Variants in SHISA5 observed in about 807,000 individuals in gnomAD.
SHISA5 encodes shisa family member 5.
SHISA5 carries 21 observed loss-of-function variants against 27.5 expected under a neutral mutation model. The ratio of observed to expected loss-of-function variants is 0.76; its 90% CI spans 0.54 to 1.10. SHISA5 has a LOEUF of 1.10. Among genes scored for constraint, SHISA5 ranks in the 50% least tolerant of loss-of-function variants. SHISA5 has a pLI of 0.00. For synonymous variants in SHISA5, 137 were observed against 142.2 expected (o/e 0.96, Z 0.26); for missense variants, 314 against 336.3 (o/e 0.93, Z 0.52).
chr3:48,486,414 T>A (rs13063000), intron 2 of SHISA5, among the ~76,000 whole-genome samples: 5 of 94,200 alleles, frequency 5.3e-5, no homozygotes, highest in East Asian at 5.1e-4. Context: ...ATAATATATA[T>A]TATATATTAT....
Position 48,476,798 on chromosome 3 carries a change from G to A in SHISA5, c.314+2379C>T, listed in dbSNP as rs956606304. 8 of 229,716 alleles carry A rather than the reference G, an allele frequency of 3.5e-5. No individual in the cohort carries two copies. In the East Asian group the frequency reaches 4.2e-4, roughly 12 times the overall value. 14.2% of individuals were successfully genotyped at this position (229,716 alleles called of 1,614,324 possible). ...ACAAGAGATGACATGAGGCGCGGGA[G>A]GGGGAGCATCACTCCAGTCACCTGC... is the stretch of plus-strand genomic sequence containing the variant. On this transcript the variant is annotated intron_variant, in intron 3 of 5. Transcript: ENST00000296444.
chr3:48,471,545 ACT>A (rs1352423568), intron 3 of SHISA5, among the ~76,000 whole-genome samples: 4 of 108,158 alleles, frequency 3.7e-5, no homozygotes, highest in East Asian at 2.8e-4. Context: ...ACAGAGTGAG[ACT>A]CTGTCTCAAA....
In SHISA5 at chr3:48,485,595, TATA is replaced by T. The variant is rs947038604; in HGVS notation, c.234-6341_234-6339del. ...ATATTCTATATTTAATATAAGATAA[TATA>T]AGAATATGTATTTATATATAATATA... On this transcript the variant is annotated intron_variant, in intron 2 of 5. Transcript: ENST00000296444. 4.8e-4 allele frequency among the ~76,000 whole-genome samples: 69 copies of T among 143,924 alleles called. 1 individual carries two copies. In the South Asian group the frequency reaches 4.9e-3, roughly 10 times the overall value. 94.4% of individuals were successfully genotyped at this position (143,924 alleles called of 152,430 possible). A position where few individuals can be genotyped will look rare whatever the true frequency, so the allele number is the denominator to read the frequency against.
rs943147660 is a variant in SHISA5 at position 48,492,968 on chromosome 3, G to A, written c.233+8169C>T. Among the ~76,000 whole-genome samples the A allele has an allele frequency of 6.8e-5, 10 of 147,714 alleles. No homozygotes were observed. In the South Asian group the frequency reaches 1.0e-3, roughly 15 times the overall value. On this transcript the variant is annotated intron_variant, in intron 2 of 5. Coordinates refer to ENST00000296444, the MANE Select transcript of SHISA5 (RefSeq NM_016479.6). ...GCCTCTAGGACTGTGAGAAATGTTT[G>A]TTGTTTAAGCCACACAATCTACAGT...
At position 48,501,274 on chromosome 3, in the gene SHISA5, C is replaced by A. The variant is rs182898450; in HGVS notation, c.96G>T (p.Met32Ile). Residue 32 changes from methionine (M) to isoleucine (I), a missense_variant, in exon 2 of 6, where the codon ATG becomes ATT. Met to Ile is a conservative substitution (Grantham distance 10). Transcript: ENST00000296444. ...PPPGARGEVC[M>I]ASRGLSLFPE... ...GGAAGAGGCTGAGTCCACGGGAAGC[C>A]ATACACACCTCACCACGTGCTGGAG... 6.1e-5 allele frequency: 99 copies of A among 1,614,014 alleles called. 1 individual carries two copies. The South Asian group carries it at 6.9e-4, about 11-fold the overall frequency.
At chr3:48,501,701 A>C (rs1373257333) in intron 1 of SHISA5, among the ~76,000 whole-genome samples, 3 of 151,264 alleles carry the variant, frequency 2.0e-5, no homozygotes, top group African/African-American at 7.3e-5. Flanking sequence ...ACCTGTCCAC[A>C]CTCCGCTCAC....
chr3:48,491,340 G>A (rs1327560232), intron 2 of SHISA5, among the ~76,000 whole-genome samples: 2 of 151,970 alleles, frequency 1.3e-5, no homozygotes, highest in Non-Finnish European at 2.9e-5. Context: ...GGATGGTCTC[G>A]ATCTCCTGAC....
chr3:48,497,268 T>G (rs2041582765), intron 2 of SHISA5, among the ~76,000 whole-genome samples: 1 of 147,390 alleles, frequency 6.8e-6, no homozygotes, highest in African/African-American at 2.5e-5. Flanking sequence ...ACAAGTTTTT[T>G]TTTTTTTTTT....
chr3:48,472,989 C>T (rs763565071), intron 3 of SHISA5: 100 of 1,534,792 alleles, frequency 6.5e-5, no homozygotes, highest in Non-Finnish European at 7.9e-6. Context: ...AACACACACG[C>T]AGCATGGCGC....
intron 2 of SHISA5, chr3:48,479,545 A>G: frequency 4.8e-6 from 2 of 414,982 alleles, no homozygotes; most frequent in Non-Finnish European, 4.3e-6. Context: ...TCTGACCACA[A>G]CAGGATGAAG....
intron 2 of SHISA5, among the ~76,000 whole-genome samples, chr3:48,496,365 AG>A (rs1485958092): frequency 2.6e-5 from 4 of 151,942 alleles, no homozygotes; most frequent in African/African-American, 9.7e-5. Flanking sequence ...AGGCCGAGGC[AG>A]GTGGTTCACA....
At chr3:48,503,884 C>T in intron 1 of SHISA5, 135 bp downstream of exon 1, 2 of 1,310,326 alleles carry the variant, frequency 1.5e-6, no homozygotes, top group South Asian at 4.0e-5. Flanking sequence ...TGGGGGTTCG[C>T]TGACGGCCTC....
rs367768642 is a variant in SHISA5, at chr3:48,469,734, G to A, written c.424C>T (p.Pro142Ser). The A allele has an allele frequency of 2.0e-5, 32 of 1,613,940 alleles. No individual in the cohort carries two copies. The highest frequency in any genetic ancestry group is 2.5e-5 in the Non-Finnish European group (30 of 1,179,978). Residue 142 changes from proline to serine, a missense_variant, in exon 4 of 6, where the codon CCA becomes TCA. Coordinates refer to ENST00000296444, the MANE Select transcript of SHISA5 (RefSeq NM_016479.6). This position sits in a 1 kb window ranked among gnomAD's most constrained non-coding sequence, Gnocchi z 4.6. The stretch of plus-strand genomic sequence containing the variant: ...GCAGGGTGGGCACGCTTACGACGTG[G>A]TCGGCGGCACGTCTTGTAAAGGCAG... ...CCCLYKTCRR[P>S]RPVVTTTTST...
rs536314678 is a variant in SHISA5 at position 48,502,607 on chromosome 3, G to A, written c.77-1314C>T. ...GACCACAAGGTTTACAAACCTCCAG[G>A]AAGATGCTACAGTCAAATGTTCCCA... On this transcript the variant is annotated intron_variant, in intron 1 of 5. Transcript: ENST00000296444. The A allele has an allele frequency of 5.9e-5, 20 of 341,040 alleles. No individual in the cohort carries two copies. In the East Asian group the frequency reaches 1.5e-3, roughly 25 times the overall value. 21.1% of individuals were successfully genotyped at this position (341,040 alleles called of 1,614,324 possible).
chr3:48,494,600 C>T (rs2041501367), intron 2 of SHISA5, among the ~76,000 whole-genome samples: 1 of 147,200 alleles, frequency 6.8e-6, no homozygotes, highest in Non-Finnish European at 1.5e-5. Context: ...AGCCAATTTC[C>T]TTCTTTTTAA....
Position 48,473,293 on chromosome 3 carries a change from G to T in SHISA5, c.315-3450C>A. 1 of 1,385,016 alleles carries T rather than the reference G, an allele frequency of 7.2e-7. No homozygotes were observed. Among genetic ancestry groups the T allele is most frequent in the Non-Finnish European group, 9.4e-7 (1 of 1,063,072 alleles). 85.8% of individuals were successfully genotyped at this position (1,385,016 alleles called of 1,614,324 possible). A position where few individuals can be genotyped will look rare whatever the true frequency, so the allele number is the denominator to read the frequency against. Reference sequence around the variant, plus strand: ...GGTGCCCCATTTGCCTCCCAGAGCTGCCTCCCTGAGCCAAGCCTACAGGGC... The same window carrying T: ...GGTGCCCCATTTGCCTCCCAGAGCTTCCTCCCTGAGCCAAGCCTACAGGGC... On this transcript the variant is annotated intron_variant, in intron 3 of 5. Transcript: ENST00000296444. This position sits in a 1 kb window ranked among gnomAD's most constrained non-coding sequence, Gnocchi z 4.3.
chr3:48,472,864 C>G, intron 3 of SHISA5: 1 of 882,710 alleles, frequency 1.1e-6, no homozygotes, highest in Non-Finnish European at 1.8e-6. Context: ...CAGGTGTCTT[C>G]CGGCCCAACC....
intron 1 of SHISA5, chr3:48,502,499 A>T (rs1193893505): frequency 2.4e-6 from 1 of 424,630 alleles, no homozygotes; most frequent in African/African-American, 2.0e-5. Context: ...ATCTACTGAC[A>T]TCCTTACAAG....
intron 2 of SHISA5, among the ~76,000 whole-genome samples, chr3:48,489,621 CTTTTTTTTT>C (rs58568695): frequency 7.4e-5 from 6 of 80,886 alleles, no homozygotes; most frequent in Non-Finnish European, 1.1e-4. Context: ...TGCGCCTGGC[CTTTTTTTTT>C]TTTTTTTTTT....
Sources: allele counts gnomAD v4.1 joint callset (sites outside exome capture counted in the v4.1 genomes callset), GRCh38; gene constraint gnomAD v4.1.1; non-coding constraint Gnocchi (gnomAD v3.1); transcripts MANE v1.5; gene names NCBI Gene and HGNC (gene_info 2026-07-23, HGNC 2026-07-21).